The following FTO variants were observed in gnomAD, a reference collection of about 807,000 sequenced individuals.
FTO encodes the protein alpha-ketoglutarate-dependent dioxygenase FTO.
FTO carries 47 observed loss-of-function variants against 63.9 expected under a neutral mutation model. The observed-to-expected ratio is 0.74, with a 90% CI of 0.58 to 0.94. The LOEUF is 0.94. Among genes scored for constraint, FTO ranks in the 40% least tolerant of loss-of-function variants. The pLI, the probability that FTO is intolerant of heterozygous loss-of-function variation, is 0.00. For synonymous variants in FTO, 207 were observed against 224.4 expected (o/e 0.92, Z 0.69); for missense variants, 562 against 618.1 (o/e 0.91, Z 0.96).
rs934032363 is a variant in FTO at position 53,832,777 on chromosome 16, C to T, written c.751+6286C>T. On this transcript the variant is annotated intron_variant, in intron 3 of 8. Transcript: ENST00000471389. ...AATCATTATAACCATATTAACTGTA[C>T]AGTTGAGTGGCATTAAGCATCATCC... is the stretch of plus-strand genomic sequence containing the variant. 1.5e-4 allele frequency among the ~76,000 whole-genome samples: 23 copies of T among 152,100 alleles called. No individual in the cohort carries two copies. In the East Asian group the frequency reaches 3.5e-3, roughly 23 times the overall value.
At chr16:54,056,995 CAAAT>C (rs1212449300) in intron 8 of FTO, among the ~76,000 whole-genome samples, 3 of 152,112 alleles carry the variant, frequency 2.0e-5, no homozygotes, top group African/African-American at 4.8e-5. Flanking sequence ...GATACCAAGA[CAAAT>C]AAAGCAAGGT....
chr16:54,106,096 T>A (rs1305598134), intron 8 of FTO, among the ~76,000 whole-genome samples: 1 of 152,162 alleles, frequency 6.6e-6, no homozygotes, highest in Admixed American at 6.6e-5. Context: ...AACCTTTTAT[T>A]GACTGCTTGC....
At chr16:54,094,460 C>A (rs551320878) in intron 8 of FTO, among the ~76,000 whole-genome samples, 3 of 152,308 alleles carry the variant, frequency 2.0e-5, no homozygotes, top group South Asian at 4.1e-4. Context: ...CAGAAGCAAA[C>A]CTTGCACTGA....
At chr16:53,827,087 A>T (rs2079028178) in intron 3 of FTO, among the ~76,000 whole-genome samples, 1 of 152,226 alleles carries the variant, frequency 6.6e-6, no homozygotes, top group Non-Finnish European at 1.5e-5. Flanking sequence ...CTCTATTTTC[A>T]GGAAACTCCC....
At chr16:53,768,675 G>C in intron 1 of FTO, among the ~76,000 whole-genome samples, 1 of 152,128 alleles carries the variant, frequency 6.6e-6, no homozygotes, top group East Asian at 1.9e-4. Context: ...TTTTGGGGGT[G>C]GTTTATGAGT....
intron 4 of FTO, among the ~76,000 whole-genome samples, chr16:53,863,814 A>G (rs910212390): frequency 9.2e-5 from 14 of 152,148 alleles, no homozygotes; most frequent in African/African-American, 3.4e-4. Context: ...TGATTGGTAT[A>G]TTTATCAGGC....
intron 8 of FTO, chr16:53,993,241 G>T (rs1257701639): frequency 6.6e-6 from 1 of 152,174 alleles, no homozygotes; most frequent in Non-Finnish European, 1.5e-5. Context: ...CAATACTTTG[G>T]AACGAAAGTA....
chr16:53,760,482 G>A (rs73609995), intron 1 of FTO, among the ~76,000 whole-genome samples: 44,303 of 151,536 alleles, frequency 0.29, 7,808 homozygotes, highest in African/African-American at 0.49. Flanking sequence ...CTGGACTCAA[G>A]CCGTCTGCCC....
At chr16:54,064,501 G>A (rs1160303106) in intron 8 of FTO, among the ~76,000 whole-genome samples, 2 of 152,080 alleles carry the variant, frequency 1.3e-5, no homozygotes, top group African/African-American at 2.4e-5. Flanking sequence ...CACCAGAATG[G>A]TAAATGTTCC....
intron 8 of FTO, among the ~76,000 whole-genome samples, chr16:53,983,272 A>G (rs1367143322): frequency 2.0e-5 from 3 of 152,108 alleles, no homozygotes; most frequent in African/African-American, 7.2e-5. Context: ...ATAAGCATAG[A>G]ATGTATTTAT....
chr16:54,039,159 T>C (rs1418501572), intron 8 of FTO, among the ~76,000 whole-genome samples: 1 of 152,206 alleles, frequency 6.6e-6, no homozygotes, highest in East Asian at 1.9e-4. Context: ...GTGCCACATC[T>C]GTCAGATGTC....
chr16:53,999,780 G>A (rs947810310), intron 8 of FTO: 6 of 152,168 alleles, frequency 3.9e-5, no homozygotes, highest in South Asian at 2.1e-4. Flanking sequence ...GATTTTCTCC[G>A]TACTCCATTG....
chr16:53,877,404 C>T (rs964654917), intron 5 of FTO, among the ~76,000 whole-genome samples: 1 of 152,150 alleles, frequency 6.6e-6, no homozygotes, highest in Non-Finnish European at 1.5e-5. Flanking sequence ...ACATGAATAA[C>T]TCTTGAAAAC....
intron 8 of FTO, among the ~76,000 whole-genome samples, chr16:54,097,917 G>A (rs2086552551): frequency 6.6e-6 from 1 of 152,148 alleles, no homozygotes; most frequent in Admixed American, 6.5e-5. Flanking sequence ...AAGGGGTAAG[G>A]GGAGGAAGCC....
chr16:53,920,443 C>G (rs2081981865), intron 7 of FTO, among the ~76,000 whole-genome samples: 1 of 152,212 alleles, frequency 6.6e-6, no homozygotes, highest in African/African-American at 2.4e-5. Context: ...TATGCATCAG[C>G]TTTGCTCTAA....
At chr16:53,946,389 T>C (rs2082651177) in intron 8 of FTO, among the ~76,000 whole-genome samples, 1 of 152,204 alleles carries the variant, frequency 6.6e-6, no homozygotes, top group Admixed American at 6.5e-5. Context: ...TTTCTCTCCA[T>C]AGTCAACTTT....
chr16:53,741,750 A>C (rs1351045046), intron 1 of FTO, among the ~76,000 whole-genome samples: 1 of 152,162 alleles, frequency 6.6e-6, no homozygotes, highest in East Asian at 1.9e-4. Flanking sequence ...AAGTCTTAGC[A>C]ATCTGAAACG....
At chr16:53,813,823 A>G (rs2078600467) in intron 2 of FTO, among the ~76,000 whole-genome samples, 1 of 152,146 alleles carries the variant, frequency 6.6e-6, no homozygotes, top group Non-Finnish European at 1.5e-5. Context: ...CATTGTATTC[A>G]GCAACTACTT....
intron 8 of FTO, among the ~76,000 whole-genome samples, chr16:54,076,257 G>C (rs528671815): frequency 4.2e-4 from 64 of 152,260 alleles, no homozygotes; most frequent in African/African-American, 1.5e-3. Context: ...GTGTTTGTTA[G>C]GTAACTAAAA....
Sources: gnomAD v4.1 joint callset for allele counts (sites outside exome capture counted in the v4.1 genomes callset) on GRCh38, gnomAD v4.1.1 for gene constraint, MANE v1.5 for transcripts, NCBI Gene and HGNC (gene_info 2026-07-23, HGNC 2026-07-21) for gene names.